Variants in CPVL observed in about 807,000 individuals in gnomAD.
The protein encoded by CPVL is probable serine carboxypeptidase CPVL.
In CPVL, 51 loss-of-function variants were observed where a neutral mutation model predicts 63.7. The observed-to-expected ratio is 0.80, with a 90% confidence interval of 0.64 to 1.01. CPVL has a LOEUF of 1.01. Among genes scored for constraint, CPVL ranks in the 50% least tolerant of loss-of-function variants. CPVL has a pLI of 0.00. For missense variants in CPVL, 530 were observed against 573.1 expected (o/e 0.92, Z 0.77); for synonymous variants, 195 against 206.0 (o/e 0.95, Z 0.46).
chr7:29,182,089 T>C (rs1798132239), intron 4 of CPVL, among the ~76,000 whole-genome samples: 1 of 152,194 alleles, frequency 6.6e-6, no homozygotes, highest in African/African-American at 2.4e-5. Context: ...AAAAAGACAA[T>C]ATTCCTTTTG....
intron 6 of CPVL, among the ~76,000 whole-genome samples, chr7:29,091,264 G>A (rs1053107992): frequency 3.3e-5 from 5 of 152,226 alleles, no homozygotes; most frequent in Non-Finnish European, 5.9e-5. Flanking sequence ...TGGGGGAGGG[G>A]AAGGAAAGAC....
intron 9 of CPVL, among the ~76,000 whole-genome samples, chr7:29,068,698 G>GTTT (rs1224426627): frequency 2.2e-5 from 3 of 137,152 alleles, no homozygotes; most frequent in African/African-American, 5.3e-5. Flanking sequence ...TTTTTTCTTT[G>GTTT]TTTTTTTTTT....
At chr7:29,125,755 A>G (rs901784048) in intron 1 of CPVL, among the ~76,000 whole-genome samples, 1 of 152,218 alleles carries the variant, frequency 6.6e-6, no homozygotes, top group Non-Finnish European at 1.5e-5. Context: ...TCAATAGATA[A>G]TAACAGCCTG....
intron 6 of CPVL, among the ~76,000 whole-genome samples, chr7:29,089,647 C>T (rs1299372908): frequency 2.0e-5 from 3 of 152,110 alleles, no homozygotes; most frequent in Non-Finnish European, 4.4e-5. Context: ...GGCAATGACC[C>T]AAAGACTCAA....
chr7:29,129,227 C>T (rs1790416645), intron 1 of CPVL, among the ~76,000 whole-genome samples: 1 of 152,104 alleles, frequency 6.6e-6, no homozygotes, highest in Non-Finnish European at 1.5e-5. Flanking sequence ...GAGAAATGGT[C>T]AGCTACATTG....
In CPVL at chr7:29,160,913, T is replaced by G. The variant is rs75416055; in HGVS notation, c.-11+20377A>C. 9.9e-3 allele frequency among the ~76,000 whole-genome samples: 1,515 copies of G among 152,316 alleles called. 58 individuals carry two copies. Among genetic ancestry groups the G allele is most frequent in the Admixed American group, 0.071 (1,083 of 15,298 alleles). On this transcript the variant is annotated intron_variant, in intron 5 of 16. Coordinates refer to the CPVL transcript ENST00000409850. ...TTGATTAACGTGAAAAGCTACAGAT[T>G]AATTTTATAAATATCTGTCACCCCT...
intron 12 of CPVL, among the ~76,000 whole-genome samples, chr7:29,000,361 T>A (rs910973478): frequency 1.0e-3 from 2 of 2,008 alleles, no homozygotes; most frequent in African/African-American, 2.6e-3. Context: ...GAGTGGTGGG[T>A]GGGTGGGGTG....
chr7:29,162,478 A>G (rs1795314247), intron 5 of CPVL, among the ~76,000 whole-genome samples: 2 of 152,114 alleles, frequency 1.3e-5, no homozygotes, highest in African/African-American at 4.8e-5. Flanking sequence ...TCTGACCAAC[A>G]TGGAGAAGCC....
rs140681394 is a variant in CPVL, at chr7:29,114,522, C to T, written c.170-1700G>A. ...GGCAGTGCTTGTAGTCCCAGCAACT[C>T]GGGAGGCTGAGGTGGGAGGATCACT... is the stretch of plus-strand genomic sequence containing the variant. On this transcript the variant is annotated intron_variant, in intron 2 of 12. Coordinates refer to ENST00000265394, the MANE Select transcript of CPVL (RefSeq NM_031311.5). Among the ~76,000 whole-genome samples the T allele has an allele frequency of 8.9e-3, 1,355 of 152,008 alleles. 21 individuals are homozygous for T. Among genetic ancestry groups the T allele is most frequent in the African/African-American group, 0.031 (1,301 of 41,428 alleles).
At chr7:29,076,737 A>G (rs1411320076) in intron 7 of CPVL, among the ~76,000 whole-genome samples, 1 of 152,218 alleles carries the variant, frequency 6.6e-6, no homozygotes, top group Non-Finnish European at 1.5e-5. Flanking sequence ...GTGTTTGTAC[A>G]TGCTTGTATT....
chr7:29,030,800 A>G (rs1366462226), intron 11 of CPVL, 41 bp from the exon 12 acceptor site: 19 of 1,547,422 alleles, frequency 1.2e-5, no homozygotes, highest in Non-Finnish European at 1.7e-5. Flanking sequence ...AAGATTCAGG[A>G]GGTGAAGCTC....
chr7:29,113,950 A>C (rs1025979359), intron 2 of CPVL, among the ~76,000 whole-genome samples: 2 of 152,158 alleles, frequency 1.3e-5, no homozygotes, highest in Non-Finnish European at 2.9e-5. Flanking sequence ...AAAGCGATGT[A>C]AGTCTGAGCC....
At chr7:29,102,136 C>T (rs1448111955) in intron 3 of CPVL, among the ~76,000 whole-genome samples, 1 of 152,142 alleles carries the variant, frequency 6.6e-6, no homozygotes, top group African/African-American at 2.4e-5. Flanking sequence ...TGAATTCCAG[C>T]TATGCTATTT....
chr7:29,163,951 A>T (rs555007950), intron 5 of CPVL, among the ~76,000 whole-genome samples: 2 of 152,278 alleles, frequency 1.3e-5, no homozygotes, highest in Admixed American at 1.3e-4. Flanking sequence ...CCAGCTTTTG[A>T]CTATTACAAA....
intron 6 of CPVL, 81 bp downstream of exon 6, chr7:29,092,542 T>C: frequency 1.0e-6 from 1 of 963,672 alleles, no homozygotes; most frequent in Non-Finnish European, 1.6e-6. Flanking sequence ...CAATAAAAAT[T>C]CCAACACTAG....
chr7:29,137,310 A>G (rs245864), intron 1 of CPVL, among the ~76,000 whole-genome samples: 136,892 of 152,236 alleles, frequency 0.9, 61,749 homozygotes, highest in East Asian at 1. Flanking sequence ...GGAGTGCACC[A>G]GATTTTATAG....
At chr7:29,095,231 C>G in intron 4 of CPVL, 89 bp from the exon 5 acceptor site, 1 of 1,046,354 alleles carries the variant, frequency 9.6e-7, no homozygotes, top group Non-Finnish European at 1.5e-6. Flanking sequence ...ACACACCCCA[C>G]GGTCCTCATG....
chr7:29,127,223 T>C (rs1322925663), intron 1 of CPVL, among the ~76,000 whole-genome samples: 1 of 152,226 alleles, frequency 6.6e-6, no homozygotes, highest in Non-Finnish European at 1.5e-5. Flanking sequence ...AGTGGGCATG[T>C]GGTGGAAAGT....
chr7:29,133,671 C>T (rs762607050), intron 1 of CPVL, among the ~76,000 whole-genome samples: 9 of 152,108 alleles, frequency 5.9e-5, no homozygotes, highest in Non-Finnish European at 8.8e-5. Flanking sequence ...TATTTCTGTC[C>T]CCTCATGAAA....
Sources: gnomAD v4.1 joint callset for allele counts (sites outside exome capture counted in the v4.1 genomes callset) on GRCh38, gnomAD v4.1.1 for gene constraint, MANE v1.5 for transcripts, NCBI Gene and HGNC (gene_info 2026-07-23, HGNC 2026-07-21) for gene names.